The following TRERF1 variants were observed in gnomAD, a reference collection of about 807,000 sequenced individuals.
TRERF1 encodes transcriptional-regulating factor 1.
Under a neutral mutation model 122.9 loss-of-function variants are expected in TRERF1, and 27 were observed. The observed-to-expected ratio is 0.22, with a 90% CI of 0.16 to 0.30. The LOEUF (loss-of-function observed/expected upper bound fraction) is 0.30. Ranked by LOEUF, TRERF1 falls within the 10% of genes least tolerant of loss-of-function variation. The pLI is 1.00. For synonymous variants in TRERF1, 636 were observed against 641.7 expected, an observed-to-expected ratio of 0.99 and a Z score of 0.13; for missense variants, 1,248 against 1,560.3, an observed-to-expected ratio of 0.80 and a Z score of 3.37.
intron 2 of TRERF1, among the ~76,000 whole-genome samples, chr6:42,388,980 C>T (rs1777256653): frequency 6.6e-6 from 1 of 152,156 alleles, no homozygotes; most frequent in Admixed American, 6.5e-5. Flanking sequence ...GTGAAAACAG[C>T]CTCTGTTACT....
At chr6:42,419,603 G>A (rs1392229154) in intron 2 of TRERF1, among the ~76,000 whole-genome samples, 1 of 152,144 alleles carries the variant, frequency 6.6e-6, no homozygotes, top group African/African-American at 2.4e-5. Context: ...GCTACAAGAG[G>A]AGATATAGCA....
chr6:42,363,278 A>C (rs1308652768), intron 2 of TRERF1, among the ~76,000 whole-genome samples, 199 bp from the exon 3 acceptor site: 1 of 152,222 alleles, frequency 6.6e-6, no homozygotes, highest in Non-Finnish European at 1.5e-5. Context: ...TAGGAGACCA[A>C]GACGTTCAAC....
chr6:42,373,954 G>A (rs1352813173), intron 2 of TRERF1, among the ~76,000 whole-genome samples: 1 of 151,154 alleles, frequency 6.6e-6, no homozygotes, highest in Non-Finnish European at 1.5e-5. Context: ...CCGACATGGT[G>A]AAACCCTGTC....
intron 4 of TRERF1, among the ~76,000 whole-genome samples, chr6:42,273,636 C>T (rs890608413): frequency 6.6e-6 from 1 of 152,130 alleles, no homozygotes; most frequent in African/African-American, 2.4e-5. Flanking sequence ...GACATCATGT[C>T]CTTGTCCAGA....
intron 3 of TRERF1, among the ~76,000 whole-genome samples, chr6:42,342,275 T>C (rs1767450396): frequency 6.6e-6 from 1 of 152,212 alleles, no homozygotes; most frequent in East Asian, 1.9e-4. Flanking sequence ...TGAAAGACCA[T>C]GTCCCAGGAA....
At chr6:42,288,574 CAAAAAAAAAAAA>C (rs3074797) in intron 4 of TRERF1, among the ~76,000 whole-genome samples, 2 of 86,548 alleles carry the variant, frequency 2.3e-5, no homozygotes, top group Non-Finnish European at 4.4e-5. Context: ...ATCTCAAAAC[CAAAAAAAAAAAA>C]AAAAAAAAAA....
intron 15 of TRERF1, among the ~76,000 whole-genome samples, chr6:42,238,338 T>C (rs1772760908): frequency 6.6e-6 from 1 of 152,196 alleles, no homozygotes; most frequent in African/African-American, 2.4e-5. Flanking sequence ...GCCACAAAAT[T>C]ATAAGTCACA....
At chr6:42,304,659 T>A (rs573139697) in intron 3 of TRERF1, among the ~76,000 whole-genome samples, 1 of 152,216 alleles carries the variant, frequency 6.6e-6, no homozygotes, top group Non-Finnish European at 1.5e-5. Context: ...TGCTGAGAGA[T>A]CCCAGAACAA....
chr6:42,280,983 T>C (rs1009603320), intron 4 of TRERF1, among the ~76,000 whole-genome samples: 4 of 152,198 alleles, frequency 2.6e-5, no homozygotes, highest in African/African-American at 9.7e-5. Context: ...ATTCCCACTG[T>C]CTGGTGCTTT....
intron 12 of TRERF1, 64 bp from the exon 13 acceptor site, chr6:42,254,990 A>C: frequency 4.6e-6 from 7 of 1,536,402 alleles, no homozygotes; most frequent in Non-Finnish European, 3.6e-6. Flanking sequence ...TATGGAGATC[A>C]TCTACCCAAA....
chr6:42,414,703 T>C (rs1781582888), intron 2 of TRERF1, among the ~76,000 whole-genome samples: 1 of 152,264 alleles, frequency 6.6e-6, no homozygotes, highest in South Asian at 2.1e-4. Flanking sequence ...AGCCACATTA[T>C]GTGCAATGCA....
intron 14 of TRERF1, among the ~76,000 whole-genome samples, chr6:42,245,887 C>T (rs1447136027): frequency 6.6e-6 from 1 of 152,176 alleles, no homozygotes; most frequent in Non-Finnish European, 1.5e-5. Flanking sequence ...GGAGGTGGAT[C>T]ACTTGAGGTT....
chr6:42,408,355 G>GTA (rs1343646533), intron 2 of TRERF1, among the ~76,000 whole-genome samples: 4,299 of 102,432 alleles, frequency 0.042, 287 homozygotes, highest in East Asian at 0.2. Flanking sequence ...GTGTGTGTGT[G>GTA]TATATATATA....
chr6:42,367,383 G>A (rs950086775), intron 2 of TRERF1, among the ~76,000 whole-genome samples: 2 of 152,208 alleles, frequency 1.3e-5, no homozygotes, highest in African/African-American at 4.8e-5. Flanking sequence ...CCGGACCTCG[G>A]TGAATGCCCG....
exon 18 of TRERF1, chr6:42,227,117 T>C (rs529080634): frequency 6.6e-6 from 1 of 152,374 alleles, no homozygotes; most frequent in Admixed American, 6.5e-5. Flanking sequence ...AGCAAAGTCA[T>C]GGAGGTTGGA....
At chr6:42,394,463 G>A (rs1208884644) in intron 2 of TRERF1, among the ~76,000 whole-genome samples, 1 of 152,280 alleles carries the variant, frequency 6.6e-6, no homozygotes, top group African/African-American at 2.4e-5. Context: ...GACTGCAGAT[G>A]TACACATTCA....
At chr6:42,261,600 G>T (rs1343386056) in intron 8 of TRERF1, among the ~76,000 whole-genome samples, 1 of 152,154 alleles carries the variant, frequency 6.6e-6, no homozygotes, top group Non-Finnish European at 1.5e-5. Context: ...AACTGAGGCT[G>T]TGAGTGGGGG....
intron 2 of TRERF1, among the ~76,000 whole-genome samples, chr6:42,383,159 T>C (rs959109804): frequency 5.3e-5 from 8 of 152,240 alleles, no homozygotes; most frequent in Middle Eastern, 3.4e-3. Flanking sequence ...AGGTCAAGGC[T>C]ACAGTGAGCT....
intron 4 of TRERF1, among the ~76,000 whole-genome samples, chr6:42,271,134 G>A (rs1382439915): frequency 2.0e-5 from 3 of 149,262 alleles, no homozygotes; most frequent in African/African-American, 7.4e-5. Context: ...GCAGTGAGCC[G>A]AGATTGTGCC....
Sources: gnomAD v4.1 joint callset for allele counts (sites outside exome capture counted in the v4.1 genomes callset) on GRCh38, gnomAD v4.1.1 for gene constraint, MANE v1.5 for transcripts, NCBI Gene and HGNC (gene_info 2026-07-23, HGNC 2026-07-21) for gene names.